The following DOCK1 variants were observed in gnomAD, a reference collection of about 807,000 sequenced individuals.
DOCK1 encodes dedicator of cytokinesis 1, also known as dedicator of cytokinesis protein 1.
DOCK1 carries 138 observed loss-of-function variants against 262.7 expected under a neutral mutation model. That is an observed-to-expected ratio of 0.53 (90% confidence interval 0.46 to 0.61). DOCK1 has a LOEUF of 0.61. Ranked by LOEUF, DOCK1 falls within the 20% of genes least tolerant of loss-of-function variation. The pLI is 0.00. For synonymous variants in DOCK1, 866 were observed against 867.4 expected, an observed-to-expected ratio of 1.00 and a Z score of 0.03; for missense variants, 1,908 against 2,370.7, an observed-to-expected ratio of 0.80 and a Z score of 4.05.
At chr10:127,044,008 C>T (rs2044181695) in intron 21 of DOCK1, among the ~76,000 whole-genome samples, 1 of 151,970 alleles carries the variant, frequency 6.6e-6, no homozygotes, top group Non-Finnish European at 1.5e-5. Context: ...TGATGACTTA[C>T]CGGCTCTTTC....
intron 3 of DOCK1, among the ~76,000 whole-genome samples, chr10:126,980,082 T>C (rs1591519141): frequency 1.3e-5 from 2 of 152,264 alleles, no homozygotes; most frequent in African/African-American, 2.4e-5. Flanking sequence ...ATTGCTATCA[T>C]GGAAAGAAAC....
intron 10 of DOCK1, chr10:127,000,542 G>T: frequency 1.9e-6 from 1 of 520,446 alleles, no homozygotes; most frequent in Non-Finnish European, 3.2e-6. Flanking sequence ...TTTTAAAGTG[G>T]ATCCCATCTT....
intron 23 of DOCK1, among the ~76,000 whole-genome samples, chr10:127,092,899 G>T (rs530601855): frequency 5.4e-4 from 83 of 152,312 alleles, no homozygotes; most frequent in African/African-American, 1.8e-3. Context: ...TGTCTCATGG[G>T]GTGGGGTGAT....
chr10:127,143,582 T>C (rs1160580298), intron 27 of DOCK1, among the ~76,000 whole-genome samples: 1 of 152,154 alleles, frequency 6.6e-6, no homozygotes, highest in East Asian at 1.9e-4. Flanking sequence ...TGTGTAGCTT[T>C]GGGTAGGACC....
At chr10:126,980,437 G>A (rs1166649373) in intron 3 of DOCK1, among the ~76,000 whole-genome samples, 2 of 152,160 alleles carry the variant, frequency 1.3e-5, no homozygotes, top group Non-Finnish European at 1.5e-5. Context: ...CTCCTAGGCT[G>A]AAGTGATCCT....
intron 32 of DOCK1, among the ~76,000 whole-genome samples, chr10:127,355,033 T>C (rs1225146537): frequency 6.6e-6 from 1 of 152,202 alleles, no homozygotes; most frequent in East Asian, 1.9e-4. Context: ...TTGCCTCAGT[T>C]CCTTCTGCGT....
Position 126,996,767 on chromosome 10 carries a change from G to T in DOCK1, c.493G>T (p.Val165Leu), listed in dbSNP as rs758923428. The change falls in exon 7 of 52, where the codon GTG becomes TTG. Residue 165 changes from valine (V) to leucine (L), a missense_variant. Physicochemically the swap from Val to Leu is conservative, Grantham distance 32. This residue lies in a region of DOCK1 where 227 missense variants were observed against 254.1 expected (regional missense o/e 0.89). Coordinates refer to ENST00000623213, the MANE Select transcript of DOCK1 (RefSeq NM_001290223.2). ...TTCTAGAATTCTAGATTTGGACCTG[G>T]TGGTTAGAGATGAAGATGGGAATAT... ...YGNRILDLDLVVRDEDGNILD... is the reference protein window; with the variant it reads ...YGNRILDLDLLVRDEDGNILD... 1 of 1,611,616 alleles carries T rather than the reference G, an allele frequency of 6.2e-7. No homozygotes were observed. Among genetic ancestry groups the T allele is most frequent in the South Asian group, 1.1e-5 (1 of 90,648 alleles).
At chr10:127,289,452 AGT>A (rs1564967350) in intron 29 of DOCK1, among the ~76,000 whole-genome samples, 1 of 152,156 alleles carries the variant, frequency 6.6e-6, no homozygotes, top group Non-Finnish European at 1.5e-5. Flanking sequence ...TGGTTTTGCC[AGT>A]GTGTCTTCAT....
At chr10:126,935,526 C>G (rs1029527824) in intron 1 of DOCK1, among the ~76,000 whole-genome samples, 121 of 152,344 alleles carry the variant, frequency 7.9e-4, no homozygotes, top group African/African-American at 2.9e-3. Flanking sequence ...CAGGCTGAGC[C>G]ACATCCTTGA....
intron 42 of DOCK1, among the ~76,000 whole-genome samples, chr10:127,409,867 C>T (rs1015435547): frequency 6.6e-6 from 1 of 152,216 alleles, no homozygotes; most frequent in Non-Finnish European, 1.5e-5. Context: ...CCTTACAGCA[C>T]AGCAATTCCA....
chr10:126,952,758 A>G (rs1469383157), intron 1 of DOCK1, among the ~76,000 whole-genome samples: 8 of 150,270 alleles, frequency 5.3e-5, no homozygotes, highest in African/African-American at 1.7e-4. Flanking sequence ...TGGTGGTAGT[A>G]TTGTTGGTGA....
Position 127,362,102 on chromosome 10 carries a change from C to T in DOCK1, c.3322C>T (p.Pro1108Ser). 3 of 1,613,248 alleles carry T rather than the reference C, an allele frequency of 1.9e-6. No homozygotes were observed. Among genetic ancestry groups the T allele is most frequent in the East Asian group, 2.2e-5 (1 of 44,850 alleles). Residue 1108 changes from proline to serine, a missense_variant, in exon 33 of 52, where the codon CCA (proline) becomes TCA (serine). Transcript: ENST00000623213. ...AAAGTTCATTCCAGAAATGGTGGGC[C>T]CAATATTAGAAATGACATTAATTCC... The part of the protein sequence containing the change: ...KIKFIPEMVG[P>S]ILEMTLIPET...
At position 127,082,597 on chromosome 10, in the gene DOCK1, A is replaced by G. The variant is rs1320049393; in HGVS notation, c.2445+20821A>G. Among the ~76,000 whole-genome samples the G allele has an allele frequency of 2.0e-5, 3 of 152,252 alleles. No homozygotes were observed. In the East Asian group the frequency reaches 5.8e-4, roughly 29 times the overall value. ...CCCATGATTCAGTTACCTCCCACCG[A>G]GTCCCTCCCACAATACATGGGGATG... On this transcript the variant is annotated intron_variant, in intron 23 of 51. Transcript: ENST00000623213.
chr10:127,388,789 A>T (rs957777894), intron 38 of DOCK1, among the ~76,000 whole-genome samples: 1 of 152,194 alleles, frequency 6.6e-6, no homozygotes, highest in Admixed American at 6.5e-5. Context: ...ATCACCCCAG[A>T]CTTCAAGGGG....
At chr10:127,345,074 C>A (rs1490369154) in intron 31 of DOCK1, among the ~76,000 whole-genome samples, 1 of 152,100 alleles carries the variant, frequency 6.6e-6, no homozygotes, top group Non-Finnish European at 1.5e-5. Flanking sequence ...TAGGCTATAC[C>A]GTATGGCCGA....
At chr10:127,177,142 TAAAA>T (rs200600372) in intron 27 of DOCK1, 1 of 147,716 alleles carries the variant, frequency 6.8e-6, no homozygotes. Context: ...AAATAATTCT[TAAAA>T]AAAAAAATAA....
rs76313399 is a variant in DOCK1, at chr10:127,267,270, C to G, written c.3044+9841C>G. 4.6e-3 allele frequency among the ~76,000 whole-genome samples: 704 copies of G among 152,256 alleles called. 15 individuals carry two copies. The highest frequency in any genetic ancestry group is 0.024 in the Admixed American group (363 of 15,294). On this transcript the variant is annotated intron_variant, in intron 29 of 51. Coordinates refer to ENST00000623213, the MANE Select transcript of DOCK1 (RefSeq NM_001290223.2). Reference sequence around the variant, plus strand: ...GACCTACGACCAAATGCTACCTGTTCGAGTTCTGTTCATTCTTAAGGCCTA... The same window carrying G: ...GACCTACGACCAAATGCTACCTGTTGGAGTTCTGTTCATTCTTAAGGCCTA...
At chr10:127,005,364 C>T (rs2040937284) in intron 10 of DOCK1, among the ~76,000 whole-genome samples, 1 of 152,156 alleles carries the variant, frequency 6.6e-6, no homozygotes, top group Non-Finnish European at 1.5e-5. Flanking sequence ...GGATGCTTCC[C>T]ACATCTGAGA....
intron 21 of DOCK1, among the ~76,000 whole-genome samples, chr10:127,049,968 CTTTTTTTTTTTTTT>C (rs71941085): frequency 1.0e-5 from 1 of 100,074 alleles, no homozygotes; most frequent in South Asian, 4.1e-4. Context: ...AAACTGGCCT[CTTTTTTTTTTTTTT>C]TTTTTTTTTA....
Sources: allele counts gnomAD v4.1 joint callset (sites outside exome capture counted in the v4.1 genomes callset), GRCh38; gene constraint gnomAD v4.1.1; regional missense constraint gnomAD v4.1.1; transcripts MANE v1.5; gene names NCBI Gene and HGNC (gene_info 2026-07-23, HGNC 2026-07-21).